WDR62: variants seen among roughly 807,000 people sequenced by gnomAD.
WDR62 encodes WD repeat domain 62.
In WDR62, 112 loss-of-function variants were observed where a neutral mutation model predicts 160.6. That is an observed-to-expected ratio of 0.70 (90% CI 0.60 to 0.82). The LOEUF is 0.82. Ranked by LOEUF, WDR62 falls within the 40% of genes least tolerant of loss-of-function variation. WDR62 has a pLI of 0.00. For synonymous variants in WDR62, 792 were observed against 815.1 expected, an observed-to-expected ratio of 0.97 and a Z score of 0.48; for missense variants, 1,819 against 1,983.8, an observed-to-expected ratio of 0.92 and a Z score of 1.58.
At chr19:36,066,458 C>T in intron 5 of WDR62, 31 bp downstream of exon 5, 1 of 1,566,430 alleles carries the variant, frequency 6.4e-7, no homozygotes, top group African/African-American at 1.4e-5. Context: ...CTGTGGCAGG[C>T]AGCCAGCTGC....
chr19:36,080,337 A>C (rs182188527), intron 9 of WDR62, among the ~76,000 whole-genome samples: 2 of 150,182 alleles, frequency 1.3e-5, no homozygotes, highest in Admixed American at 1.3e-4. Flanking sequence ...GATGGTCTCG[A>C]TCTCCTGACC....
At chr19:36,079,591 G>T (rs1315571797) in intron 9 of WDR62, among the ~76,000 whole-genome samples, 2 of 152,148 alleles carry the variant, frequency 1.3e-5, no homozygotes, top group African/African-American at 4.8e-5. Flanking sequence ...GTCCCTTTAG[G>T]CCTTACCCCT....
Position 36,103,065 on chromosome 19 carries a change from C to G in WDR62, c.3453C>G (p.Asp1151Glu). The change falls in exon 28 of 32, where the codon GAC becomes GAG. Residue 1151 changes from aspartate to glutamate, a missense_variant. By Grantham distance (45) the Asp-to-Glu change is conservative. Around this residue, in one of 3 missense-constraint regions of WDR62, gnomAD observed 770 missense variants for 734.2 expected, o/e 1.05. Transcript: ENST00000401500. ...CAGGTACTGGCTACGCCTCCCCAGACAGGACCCACGTGAGTATTGGGCCCA... is the reference window on the plus strand; with the variant it reads ...CAGGTACTGGCTACGCCTCCCCAGAGAGGACCCACGTGAGTATTGGGCCCA... ...PRAGTGYASPDRTHVLAAGKA... is the reference protein window; with the variant it reads ...PRAGTGYASPERTHVLAAGKA... The G allele has an allele frequency of 6.2e-7, 1 of 1,614,090 alleles. No homozygotes were observed. The highest frequency in any genetic ancestry group is 8.5e-7 in the Non-Finnish European group (1 of 1,180,046).
downstream of WDR62, among the ~76,000 whole-genome samples, chr19:36,105,752 G>A (rs924423920): frequency 1.3e-5 from 2 of 152,160 alleles, no homozygotes; most frequent in African/African-American, 2.4e-5. Context: ...AGGCTAGAGT[G>A]CAGTGGTGCG....
intron 13 of WDR62, 25 bp downstream of exon 13, chr19:36,086,837 T>C: frequency 6.2e-7 from 1 of 1,604,542 alleles, no homozygotes; most frequent in Admixed American, 1.7e-5. Flanking sequence ...TCCCGCTCCC[T>C]GCGCCTTGCT....
chr19:36,085,076 T>A (rs890220470), intron 12 of WDR62, among the ~76,000 whole-genome samples: 1 of 152,156 alleles, frequency 6.6e-6, no homozygotes, highest in Non-Finnish European at 1.5e-5. Context: ...ATAGAAATAT[T>A]GGGAGAATAT....
Position 36,071,622 on chromosome 19 carries a change from G to A in WDR62, c.949G>A (p.Val317Ile). 1.2e-6 allele frequency: 2 copies of A among 1,614,234 alleles called. No homozygotes were observed. Among genetic ancestry groups the A allele is most frequent in the Non-Finnish European group, 1.7e-6 (2 of 1,180,042 alleles). Residue 317 changes from valine to isoleucine, a missense_variant, in exon 8 of 32, where the codon GTC becomes ATC. Val to Ile is a conservative substitution (Grantham distance 29, BLOSUM62 3). This residue lies in a region of WDR62 where 934 missense variants were observed against 1,157.2 expected (regional missense o/e 0.81). Coordinates refer to ENST00000401500, the MANE Select transcript of WDR62 (RefSeq NM_001083961.2). ...LIFCGCTDGI[V>I]RIFQAHSLHY... is the part of the protein sequence containing the mutation. ...CTTCTGTGGCTGCACAGATGGGATAGTCCGCATCTTCCAGGCCCATAGCCT... is the reference window on the plus strand; with the variant it reads ...CTTCTGTGGCTGCACAGATGGGATAATCCGCATCTTCCAGGCCCATAGCCT...
chr19:36,103,046 C>G lies in WDR62; in HGVS notation c.3434C>G (p.Thr1145Ser). 1 of 1,614,126 alleles carries G rather than the reference C, an allele frequency of 6.2e-7. No homozygotes were observed. Among genetic ancestry groups the G allele is most frequent in the Non-Finnish European group, 8.5e-7 (1 of 1,180,030 alleles). ...DRGGSQPRAG[T>S]GYASPDRTHV... ...GGCGGAAGCCAGCCCAGAGCAGGTA[C>G]TGGCTACGCCTCCCCAGACAGGACC... is the stretch of plus-strand genomic sequence containing the variant. The change falls in exon 28 of 32, where the codon ACT becomes AGT. Residue 1145 changes from threonine to serine, a missense_variant. By Grantham distance (58) the Thr-to-Ser change is moderately conservative. Transcript: ENST00000401500.
intron 3 of WDR62, among the ~76,000 whole-genome samples, chr19:36,064,819 C>A (rs1378917826): frequency 1.3e-5 from 2 of 149,126 alleles, no homozygotes; most frequent in Non-Finnish European, 1.5e-5. Flanking sequence ...CTCAAGTGAA[C>A]CACCCACCCC....
Position 36,089,057 on chromosome 19 carries a change from G to A in WDR62, c.1788G>A (p.Met596Ile), listed in dbSNP as rs1972426895. The A allele has an allele frequency of 1.2e-6, 2 of 1,614,116 alleles. No individual in the cohort carries two copies. Among genetic ancestry groups the A allele is most frequent in the South Asian group, 1.1e-5 (1 of 91,070 alleles). ...CCCTAGGCAACAGAGACATCCAGATGATCAGCTGTGGGGCTGACAAGAGCA... is the reference window on the plus strand; with the variant it reads ...CCCTAGGCAACAGAGACATCCAGATAATCAGCTGTGGGGCTGACAAGAGCA... ...IKFAGNRDIQ[M>I]ISCGADKSIY... The change falls in exon 14 of 32, where the codon ATG (methionine) becomes ATA (isoleucine). Residue 596 changes from methionine to isoleucine, a missense_variant. Transcript: ENST00000401500.
chr19:36,060,780 C>T (rs1970607148), intron 3 of WDR62: 3 of 152,512 alleles, frequency 2.0e-5, no homozygotes, highest in South Asian at 4.1e-4. Flanking sequence ...CTGTGGGTCT[C>T]CCTCAGTGTG....
chr19:36,077,385 A>T (rs1342453397), intron 9 of WDR62, among the ~76,000 whole-genome samples: 1 of 138,060 alleles, frequency 7.2e-6, no homozygotes. Flanking sequence ...GGTTCACGCC[A>T]TTCTTCTTCC....
chr19:36,110,806 G>A, the WDR62 span, among the ~76,000 whole-genome samples: 1 of 152,138 alleles, frequency 6.6e-6, no homozygotes, highest in Non-Finnish European at 1.5e-5. Flanking sequence ...GAATAACCAG[G>A]CAGGCTGCTG....
intron 10 of WDR62, 167 bp downstream of exon 10, chr19:36,081,737 C>CT: frequency 1.2e-6 from 1 of 835,338 alleles, no homozygotes; most frequent in South Asian, 1.4e-5. Context: ...TCTTGTTTCT[C>CT]TTTCTCCTGC....
intron 7 of WDR62, among the ~76,000 whole-genome samples, chr19:36,069,377 C>T (rs980461278): frequency 6.6e-6 from 1 of 151,542 alleles, no homozygotes; most frequent in Non-Finnish European, 1.5e-5. Flanking sequence ...TAGAGGCGCT[C>T]CTCACATCCC....
Position 36,078,873 on chromosome 19 carries a change from C to G in WDR62, c.1234-2560C>G, listed in dbSNP as rs545705307. On this transcript the variant is annotated intron_variant, in intron 9 of 31. Coordinates refer to ENST00000401500, the MANE Select transcript of WDR62 (RefSeq NM_001083961.2). ...AAACAAAGTAAGTTATAGTTTTTAT[C>G]TTTTTTTGTGAAAATATGTTTCTGC... 1.9e-3 allele frequency among the ~76,000 whole-genome samples: 265 copies of G among 138,958 alleles called. 2 individuals are homozygous for G. Among genetic ancestry groups the G allele is most frequent in the African/African-American group, 6.8e-3 (258 of 37,698 alleles). 91.2% of individuals were successfully genotyped at this position (138,958 alleles called of 152,430 possible).
At chr19:36,079,477 C>T (rs1971768698) in intron 9 of WDR62, among the ~76,000 whole-genome samples, 1 of 152,152 alleles carries the variant, frequency 6.6e-6, no homozygotes, top group South Asian at 2.1e-4. Flanking sequence ...TACTTTATTT[C>T]TTCTGTCCCT....
intron 7 of WDR62, 80 bp downstream of exon 7, chr19:36,068,090 C>T (rs1244106305): frequency 1.2e-5 from 18 of 1,505,592 alleles, no homozygotes; most frequent in Non-Finnish European, 2.7e-6. Flanking sequence ...TCAGCATTGA[C>T]CACACAGGTT....
intron 15 of WDR62, 53 bp downstream of exon 15, chr19:36,089,359 G>C: frequency 6.2e-7 from 1 of 1,613,982 alleles, no homozygotes; most frequent in South Asian, 1.1e-5. Context: ...GTCCTAGGCT[G>C]TCTGCTTTCC....
Sources: allele counts gnomAD v4.1 joint callset (sites outside exome capture counted in the v4.1 genomes callset), GRCh38; gene constraint gnomAD v4.1.1; regional missense constraint gnomAD v4.1.1; transcripts MANE v1.5; gene names NCBI Gene and HGNC (gene_info 2026-07-23, HGNC 2026-07-21).